Variants in ARID3B observed in about 807,000 individuals in gnomAD.
ARID3B encodes AT-rich interaction domain 3B.
ARID3B carries 10 observed loss-of-function variants against 51.9 expected under a neutral mutation model. That is an observed-to-expected ratio of 0.19 (90% CI 0.12 to 0.33). The LOEUF (loss-of-function observed/expected upper bound fraction) is 0.33, where lower values mean the gene tolerates loss of function less well. Among genes scored for constraint, ARID3B ranks in the 10% least tolerant of loss-of-function variants. The pLI is 1.00. For synonymous variants in ARID3B, 205 were observed against 279.5 expected (o/e 0.73, Z 2.66); for missense variants, 483 against 716.3 (o/e 0.67, Z 3.72).
intron 2 of ARID3B, among the ~76,000 whole-genome samples, chr15:74,547,244 C>T (rs1207235282): frequency 6.6e-6 from 1 of 151,992 alleles, no homozygotes; most frequent in African/African-American, 2.4e-5. Flanking sequence ...CTGCAACCTC[C>T]GCCTCCTGAG....
chr15:74,566,324 G>A (rs1356919757), intron 2 of ARID3B, among the ~76,000 whole-genome samples: 1 of 152,106 alleles, frequency 6.6e-6, no homozygotes, highest in Non-Finnish European at 1.5e-5. Context: ...AATAGGCCAG[G>A]CGCAGTGGCT....
At chr15:74,590,047 A>C (rs773924440) in intron 5 of ARID3B, 44 bp downstream of exon 5, 7 of 1,544,508 alleles carry the variant, frequency 4.5e-6, no homozygotes, top group Non-Finnish European at 5.3e-6. Flanking sequence ...GGCTGGAGAA[A>C]GGGGATGTTG....
Position 74,597,379 on chromosome 15 carries a change from A to G in ARID3B, c.*1605A>G, listed in dbSNP as rs1449182262. 1 of 436,012 alleles carries G rather than the reference A, an allele frequency of 2.3e-6. No homozygotes were observed. The allele number at this position is 436,012 out of a possible 1,614,324, so 27.0% of individuals were successfully genotyped here. A position where few individuals can be genotyped will look rare whatever the true frequency, so the allele number is the denominator to read the frequency against. ...GTGTGTGGCAGCGTGGCTCGCATTC[A>G]GTCCTGTGTAGGAGAGGAAAGGGAA... On this transcript the variant is annotated 3_prime_UTR_variant, in exon 9 of 9. Coordinates refer to ENST00000346246, the MANE Select transcript of ARID3B (RefSeq NM_006465.4).
intron 4 of ARID3B, chr15:74,574,805 C>A (rs1422098144): frequency 6.6e-6 from 1 of 152,032 alleles, no homozygotes; most frequent in Admixed American, 6.6e-5. Flanking sequence ...GAGGTCGAGA[C>A]CATCCTGGCC....
chr15:74,580,368 G>T (rs1328994608), intron 4 of ARID3B, among the ~76,000 whole-genome samples: 1 of 152,092 alleles, frequency 6.6e-6, no homozygotes, highest in Non-Finnish European at 1.5e-5. Flanking sequence ...ATAAGCAAAG[G>T]CTATTATAAA....
intron 4 of ARID3B, among the ~76,000 whole-genome samples, chr15:74,579,097 T>A (rs931222955): frequency 2.0e-5 from 3 of 152,148 alleles, no homozygotes; most frequent in Non-Finnish European, 4.4e-5. Context: ...CCGCCCCGAA[T>A]GACCGCAGCT....
chr15:74,571,708 A>C (rs555922090), intron 2 of ARID3B, among the ~76,000 whole-genome samples: 4 of 152,340 alleles, frequency 2.6e-5, no homozygotes, highest in South Asian at 4.1e-4. Context: ...GATACTTCCC[A>C]AGTAATATGT....
At position 74,591,456 on chromosome 15, in the gene ARID3B, GAAGGAAGA is replaced by G. The variant is rs1485741106; in HGVS notation, c.1165+27_1165+34del. On this transcript the variant is annotated intron_variant, in intron 6 of 8. Transcript: ENST00000346246. The surrounding 1 kb of genome is among the most constrained non-coding windows in gnomAD (Gnocchi z 5.8). ...AAAGGTCAGCAGGGCTCCTGGGGGAGAAGGAAGAAAGGGAGGAAGGGATGCCAGTTCCC... is the reference window on the plus strand; with the variant it reads ...AAAGGTCAGCAGGGCTCCTGGGGGAGAAGGGAGGAAGGGATGCCAGTTCCC... The G allele has an allele frequency of 6.3e-7, 1 of 1,597,180 alleles. No homozygotes were observed. Among genetic ancestry groups the G allele is most frequent in the South Asian group, 1.1e-5 (1 of 90,022 alleles).
intron 2 of ARID3B, among the ~76,000 whole-genome samples, chr15:74,569,126 A>G (rs1219962823): frequency 1.3e-5 from 2 of 152,186 alleles, no homozygotes; most frequent in African/African-American, 4.8e-5. Flanking sequence ...TACTCTATTG[A>G]TAGGCCAAGA....
Position 74,556,682 on chromosome 15 carries a change from C to G in ARID3B, c.552+12194C>G, listed in dbSNP as rs187390549. Among the ~76,000 whole-genome samples the G allele has an allele frequency of 1.7e-3, 264 of 152,178 alleles. 2 individuals are homozygous for G. Among genetic ancestry groups the G allele is most frequent in the Non-Finnish European group, 1.5e-3 (99 of 67,998 alleles). ...CACAGTTATTATTTATTTAGACTTA[C>G]GAAGTTTATCCATTTCTTTTCTCAC... On this transcript the variant is annotated intron_variant, in intron 2 of 8. Transcript: ENST00000346246.
At chr15:74,551,519 C>T (rs2061637305) in intron 2 of ARID3B, among the ~76,000 whole-genome samples, 1 of 152,204 alleles carries the variant, frequency 6.6e-6, no homozygotes, top group Non-Finnish European at 1.5e-5. Context: ...CAGATCCCAT[C>T]CCCTTCCAGG....
At chr15:74,574,310 C>G (rs1382011773) in intron 4 of ARID3B, 1 of 152,304 alleles carries the variant, frequency 6.6e-6, no homozygotes, top group African/African-American at 2.4e-5. Context: ...CAGGACAAAA[C>G]CATAGGAGAG....
intron 4 of ARID3B, among the ~76,000 whole-genome samples, chr15:74,585,878 A>T (rs2061779644): frequency 6.6e-6 from 1 of 152,238 alleles, no homozygotes; most frequent in South Asian, 2.1e-4. Context: ...AAGACGCGGC[A>T]GGCTTTTGTG....
At chr15:74,565,705 C>G (rs2061695521) in intron 2 of ARID3B, among the ~76,000 whole-genome samples, 1 of 151,320 alleles carries the variant, frequency 6.6e-6, no homozygotes, top group South Asian at 2.1e-4. Context: ...CTCCTAAGAT[C>G]TTAGAAGCAT....
At chr15:74,593,559 C>T (rs1182032842) in intron 8 of ARID3B, among the ~76,000 whole-genome samples, 2 of 152,206 alleles carry the variant, frequency 1.3e-5, no homozygotes, top group African/African-American at 4.8e-5. Flanking sequence ...GACTGTAATT[C>T]AGCTCTTCTC....
chr15:74,582,125 G>A lies in ARID3B; in HGVS notation c.698-7695G>A, dbSNP rs535650689. ...AAGACCCTGCAGTCCACCTCCTTCTGACTCATTGGCCAGTTTCTCCGAATG... is the reference window on the plus strand; with the variant it reads ...AAGACCCTGCAGTCCACCTCCTTCTAACTCATTGGCCAGTTTCTCCGAATG... On this transcript the variant is annotated intron_variant, in intron 4 of 8. Transcript: ENST00000346246. Among the ~76,000 whole-genome samples the A allele has an allele frequency of 7.9e-5, 12 of 152,082 alleles. No homozygotes were observed. In the South Asian group the frequency reaches 1.2e-3, roughly 16 times the overall value.
At chr15:74,568,398 G>A (rs1286187320) in intron 2 of ARID3B, among the ~76,000 whole-genome samples, 1 of 152,136 alleles carries the variant, frequency 6.6e-6, no homozygotes, top group African/African-American at 2.4e-5. Context: ...GTGTAACAGC[G>A]AGAGCCAGAC....
rs368564441 is a variant in ARID3B at position 74,548,853 on chromosome 15, G to A, written c.552+4365G>A. ...GAGAGACAAAGGGAATGTGATTTGA[G>A]AAGAGGGAGTTTCGTGTTTGTTTTT... On this transcript the variant is annotated intron_variant, in intron 2 of 8. Transcript: ENST00000346246. Among the ~76,000 whole-genome samples the A allele has an allele frequency of 5.1e-4, 78 of 152,296 alleles. 1 individual carries two copies. Among genetic ancestry groups the A allele is most frequent in the African/African-American group, 1.8e-3 (74 of 41,550 alleles).
chr15:74,578,117 A>G (rs888834946), intron 4 of ARID3B, among the ~76,000 whole-genome samples: 2 of 151,670 alleles, frequency 1.3e-5, no homozygotes, highest in Non-Finnish European at 2.9e-5. Context: ...TCCGACTCCC[A>G]AAGTACTGGA....
Sources: gnomAD v4.1 joint callset for allele counts (sites outside exome capture counted in the v4.1 genomes callset) on GRCh38, gnomAD v4.1.1 for gene constraint, Gnocchi (gnomAD v3.1) non-coding constraint, MANE v1.5 for transcripts, NCBI Gene and HGNC (gene_info 2026-07-23, HGNC 2026-07-21) for gene names.